The following SPAG17 variants were observed in gnomAD, a reference collection of about 807,000 sequenced individuals.
The protein encoded by SPAG17 is sperm-associated antigen 17.
Under a neutral mutation model 273.6 loss-of-function variants are expected in SPAG17, and 169 were observed. The ratio of observed to expected loss-of-function variants is 0.62; its 90% CI spans 0.55 to 0.70. The LOEUF is 0.70. Ranked by LOEUF, SPAG17 falls within the 30% of genes least tolerant of loss-of-function variation. The probability of loss-of-function intolerance (pLI) is 0.00; values close to 1 mark genes in which losing one functional copy is unlikely to be tolerated. For missense variants in SPAG17, 2,557 were observed against 2,627.8 expected, an observed-to-expected ratio of 0.97 and a Z score of 0.59; for synonymous variants, 825 against 873.2, an observed-to-expected ratio of 0.94 and a Z score of 0.97.
Position 118,016,171 on chromosome 1 carries a change from T to C in SPAG17, c.4081A>G (p.Lys1361Glu), listed in dbSNP as rs1406644734. The stretch of plus-strand genomic sequence containing the variant: ...TTATGGGCCATTGATGACTGACTTT[T>C]GTGACTTTTTCCTGTGAAGTTCAAG... ...ITNTKKGKSH[K>E]SQSSMAHKGE... The change falls in exon 29 of 49, where the codon AAA becomes GAA. Residue 1361 changes from lysine (K) to glutamate (E), a missense_variant. By Grantham distance (56) the Lys-to-Glu change is moderately conservative. Transcript: ENST00000336338. 5.0e-6 allele frequency: 8 copies of C among 1,612,726 alleles called. No homozygotes were observed. The highest frequency in any genetic ancestry group is 6.8e-6 in the Non-Finnish European group (8 of 1,178,928).
At chr1:118,074,716 T>A (rs145724121) in intron 15 of SPAG17, 116 bp from the exon 16 acceptor site, 1 of 901,616 alleles carries the variant, frequency 1.1e-6, no homozygotes, top group East Asian at 2.5e-5. Context: ...GAAAAGGCAA[T>A]GCCTGAAAGG....
intron 1 of SPAG17, among the ~76,000 whole-genome samples, chr1:118,166,490 G>GAAC (rs1558057776): frequency 6.6e-6 from 1 of 152,132 alleles, no homozygotes; most frequent in Non-Finnish European, 1.5e-5. Context: ...TTAACTATTT[G>GAAC]TATACAAGAC....
chr1:118,015,692 G>A (rs988605760), intron 29 of SPAG17, among the ~76,000 whole-genome samples: 7 of 152,000 alleles, frequency 4.6e-5, no homozygotes, highest in East Asian at 1.9e-4. Flanking sequence ...ATGAACTGCC[G>A]CTCACCTCAA....
At chr1:117,981,514 C>A (rs898376540) in intron 42 of SPAG17, 113 bp from the exon 43 acceptor site, 3 of 1,080,354 alleles carry the variant, frequency 2.8e-6, no homozygotes, top group Non-Finnish European at 2.6e-6. Flanking sequence ...AATGAGGTAC[C>A]TTTTCTGCCA....
intron 1 of SPAG17, among the ~76,000 whole-genome samples, chr1:118,153,773 C>T (rs976318386): frequency 6.6e-5 from 10 of 151,890 alleles, no homozygotes; most frequent in Non-Finnish European, 1.5e-4. Flanking sequence ...GGCATGAACC[C>T]AGGAGGCAGT....
chr1:118,007,991 T>C, intron 31 of SPAG17, 53 bp downstream of exon 31: 1 of 1,607,974 alleles, frequency 6.2e-7, no homozygotes. Flanking sequence ...GTGGGTTTTC[T>C]CAGCTGAATA....
At chr1:118,153,128 C>T (rs946932224) in intron 1 of SPAG17, among the ~76,000 whole-genome samples, 1 of 152,162 alleles carries the variant, frequency 6.6e-6, no homozygotes, top group Non-Finnish European at 1.5e-5. Flanking sequence ...TAGTCCATTA[C>T]CCATCTACTT....
chr1:118,060,977 C>A (rs1394075060), intron 18 of SPAG17, among the ~76,000 whole-genome samples: 1 of 152,018 alleles, frequency 6.6e-6, no homozygotes, highest in African/African-American at 2.4e-5. Context: ...ACTTGCAGAT[C>A]AAAATGACAA....
chr1:118,013,753 C>T (rs1659701648), intron 29 of SPAG17, among the ~76,000 whole-genome samples: 1 of 152,086 alleles, frequency 6.6e-6, no homozygotes, highest in East Asian at 1.9e-4. Flanking sequence ...GCCACATAAA[C>T]AGTGACATTT....
intron 1 of SPAG17, among the ~76,000 whole-genome samples, chr1:118,161,429 T>C (rs1659903964): frequency 6.6e-6 from 1 of 152,142 alleles, no homozygotes; most frequent in South Asian, 2.1e-4. Flanking sequence ...GAAGATAAAA[T>C]TGTGGAGGGT....
At chr1:117,957,023 A>G (rs778123468) in intron 48 of SPAG17, 6 of 1,494,146 alleles carry the variant, frequency 4.0e-6, no homozygotes, top group African/African-American at 1.4e-5. Flanking sequence ...CATGTTAACA[A>G]CGTTAACAAA....
chr1:118,097,787 G>C lies in SPAG17; in HGVS notation c.894C>G (p.Tyr298Ter). The C allele has an allele frequency of 1.2e-6, 2 of 1,607,772 alleles. No homozygotes were observed. Among genetic ancestry groups the C allele is most frequent in the Non-Finnish European group, 1.7e-6 (2 of 1,177,832 alleles). ...TCTCATTATTCAGGACTGGTTCCAA[G>C]TACTTCCAGAAAGTTTTAAGCTCTT... ...AIKELKTFWK[Y>*]LEPVLNNEKP... Residue 298 changes from tyrosine to a stop codon, truncating the protein, a stop_gained, in exon 7 of 49, where the codon TAC becomes TAG. Transcript: ENST00000336338. LOFTEE classifies it high-confidence loss of function.
At chr1:118,077,948 T>C (rs1000719741) in intron 15 of SPAG17, among the ~76,000 whole-genome samples, 3 of 152,208 alleles carry the variant, frequency 2.0e-5, no homozygotes, top group South Asian at 4.1e-4. Context: ...TTCCTACTTG[T>C]ATGTAGTTGA....
At chr1:118,065,801 A>G (rs182216335) in intron 18 of SPAG17, among the ~76,000 whole-genome samples, 1 of 152,228 alleles carries the variant, frequency 6.6e-6, no homozygotes, top group Admixed American at 6.5e-5. Context: ...TTAACTTAAT[A>G]AGGAATATTT....
chr1:118,135,096 A>G (rs952702958), intron 3 of SPAG17, among the ~76,000 whole-genome samples: 1 of 152,200 alleles, frequency 6.6e-6, no homozygotes, highest in Non-Finnish European at 1.5e-5. Context: ...TAAAAGAATT[A>G]GCACACAAAT....
chr1:118,090,770 C>G (rs1478753025), intron 10 of SPAG17, among the ~76,000 whole-genome samples: 1 of 152,036 alleles, frequency 6.6e-6, no homozygotes, highest in African/African-American at 2.4e-5. Context: ...GCTTGTAGTT[C>G]TAGATACTCA....
chr1:117,955,941 A>C (rs1652136697), intron 48 of SPAG17, among the ~76,000 whole-genome samples: 1 of 152,202 alleles, frequency 6.6e-6, no homozygotes, highest in South Asian at 2.1e-4. Flanking sequence ...ATAACTGACC[A>C]GTAGGCATAA....
intron 1 of SPAG17, among the ~76,000 whole-genome samples, chr1:118,184,086 A>C (rs562794003): frequency 4.6e-5 from 7 of 152,274 alleles, no homozygotes; most frequent in African/African-American, 1.7e-4. Context: ...ATAGGAAAAA[A>C]AAACAGTTAT....
At chr1:118,080,995 T>C in intron 15 of SPAG17, 106 bp downstream of exon 15, 1 of 884,966 alleles carries the variant, frequency 1.1e-6, no homozygotes, top group East Asian at 2.5e-5. Flanking sequence ...ATTAACCAAA[T>C]AACTTAAATT....
Sources: gnomAD v4.1 joint callset for allele counts (sites outside exome capture counted in the v4.1 genomes callset) on GRCh38, gnomAD v4.1.1 for gene constraint, MANE v1.5 for transcripts, NCBI Gene and HGNC (gene_info 2026-07-23, HGNC 2026-07-21) for gene names.